EML4: variants seen among roughly 807,000 people sequenced by gnomAD.
The protein encoded by EML4 is echinoderm microtubule-associated protein-like 4.
EML4 carries 72 observed loss-of-function variants against 129.0 expected under a neutral mutation model. The observed-to-expected ratio is 0.56, with a 90% confidence interval of 0.46 to 0.68. EML4 has a LOEUF of 0.68. Ranked by LOEUF, EML4 falls within the 30% of genes least tolerant of loss-of-function variation. EML4 has a pLI of 0.00. For synonymous variants in EML4, 532 were observed against 405.0 expected, an observed-to-expected ratio of 1.31 and a Z score of -3.77; for missense variants, 1,363 against 1,190.6, an observed-to-expected ratio of 1.14 and a Z score of -2.13.
intron 17 of EML4, among the ~76,000 whole-genome samples, chr2:42,309,341 C>G (rs1333351574): frequency 6.7e-6 from 1 of 148,670 alleles, no homozygotes; most frequent in Non-Finnish European, 1.5e-5. Context: ...TCTGGGATGT[C>G]AAGGCTATCA....
chr2:42,308,926 G>A (rs1039219797), intron 17 of EML4, among the ~76,000 whole-genome samples: 2 of 152,214 alleles, frequency 1.3e-5, no homozygotes, highest in Middle Eastern at 3.4e-3. Flanking sequence ...ATGTATTATG[G>A]CCAAATAACA....
rs375157829 is a variant in EML4, at chr2:42,280,984, C to G, written c.791+11C>G. On this transcript the variant is annotated intron_variant, in intron 7 of 22. Coordinates refer to ENST00000318522, the MANE Select transcript of EML4 (RefSeq NM_019063.5). ...CAAACTGGAGTGGGCGTATCCTTCTCTACCATGACAGCAAATTCATTTGCT... is the reference window on the plus strand; with the variant it reads ...CAAACTGGAGTGGGCGTATCCTTCTGTACCATGACAGCAAATTCATTTGCT... 3.2e-6 allele frequency: 5 copies of G among 1,560,424 alleles called. No individual in the cohort carries two copies. Among genetic ancestry groups the G allele is most frequent in the African/African-American group, 1.4e-5 (1 of 72,154 alleles).
chr2:42,323,926 C>G (rs577660992), intron 19 of EML4, among the ~76,000 whole-genome samples: 1,858 of 143,618 alleles, frequency 0.013, 31 homozygotes, highest in African/African-American at 0.045. Context: ...CCTGGGTGAA[C>G]GAGTGAGACT....
chr2:42,183,978 T>C (rs1434912518), intron 1 of EML4, among the ~76,000 whole-genome samples: 1 of 152,154 alleles, frequency 6.6e-6, no homozygotes, highest in Non-Finnish European at 1.5e-5. Context: ...CTTCTGGCCC[T>C]CTTTCTTTCC....
In EML4 at chr2:42,281,874, C is replaced by T. The variant is rs114083296; in HGVS notation, c.791+901C>T. 6.7e-3 allele frequency among the ~76,000 whole-genome samples: 1,015 copies of T among 152,302 alleles called. 14 individuals are homozygous for T. Among genetic ancestry groups the T allele is most frequent in the African/African-American group, 0.023 (974 of 41,562 alleles). On this transcript the variant is annotated intron_variant, in intron 7 of 22. Coordinates refer to ENST00000318522, the MANE Select transcript of EML4 (RefSeq NM_019063.5). The stretch of plus-strand genomic sequence containing the variant: ...TTGAACTCTGTTGTCTGCCTCCATT[C>T]TCCTGCACTTCCTCCCACGTCCCTT...
chr2:42,252,681 C>T (rs1037728020), intron 2 of EML4, among the ~76,000 whole-genome samples: 45 of 152,176 alleles, frequency 3.0e-4, no homozygotes, highest in African/African-American at 8.4e-4. Context: ...TACATACACT[C>T]TCTTTGCTGT....
chr2:42,219,014 T>C (rs1489268591), intron 1 of EML4, among the ~76,000 whole-genome samples: 3 of 152,342 alleles, frequency 2.0e-5, no homozygotes. Context: ...ATGCTTGTTA[T>C]GCGTTTACTC....
intron 1 of EML4, among the ~76,000 whole-genome samples, chr2:42,200,153 C>CAAAAAAAAA (rs11421705): frequency 3.4e-3 from 274 of 81,484 alleles, no homozygotes; most frequent in African/African-American, 4.1e-3. Context: ...ACTAAAAATA[C>CAAAAAAAAA]AAAAAAAAAA....
intron 1 of EML4, among the ~76,000 whole-genome samples, chr2:42,174,154 CTTCAATA>C (rs571310294): frequency 2.0e-5 from 3 of 152,074 alleles, no homozygotes; most frequent in South Asian, 4.1e-4. Flanking sequence ...ACATGTAAAA[CTTCAATA>C]TTCATAAGAA....
rs567165605 is a variant in EML4, at chr2:42,188,502, C to T, written c.25+18866C>T. Among the ~76,000 whole-genome samples, 12 of 151,468 alleles carry T rather than the reference C, an allele frequency of 7.9e-5. No individual in the cohort carries two copies. In the South Asian group the frequency reaches 1.3e-3, roughly 16 times the overall value. Reference sequence around the variant, plus strand: ...CTCTCAAAGTGCTGGGATTACAGGCCGTGAACCACTGCTCCTGGGTACTTA... The same window carrying T: ...CTCTCAAAGTGCTGGGATTACAGGCTGTGAACCACTGCTCCTGGGTACTTA... On this transcript the variant is annotated intron_variant, in intron 1 of 22. Transcript: ENST00000318522.
At chr2:42,185,321 T>C (rs368190822) in intron 1 of EML4, among the ~76,000 whole-genome samples, 23 of 152,156 alleles carry the variant, frequency 1.5e-4, no homozygotes, top group African/African-American at 5.6e-4. Flanking sequence ...ATAAATAAAA[T>C]TGTATTGGAA....
chr2:42,258,562 A>C (rs1665506488), intron 3 of EML4, among the ~76,000 whole-genome samples: 1 of 151,924 alleles, frequency 6.6e-6, no homozygotes. Flanking sequence ...CACCACACCC[A>C]GCTAATTTTG....
intron 1 of EML4, among the ~76,000 whole-genome samples, chr2:42,192,201 T>C (rs1464475239): frequency 1.3e-5 from 2 of 149,096 alleles, no homozygotes; most frequent in African/African-American, 5.0e-5. Context: ...AGTTACTCTT[T>C]TCTTTGCTGG....
intron 1 of EML4, among the ~76,000 whole-genome samples, chr2:42,210,498 C>G (rs1300105942): frequency 6.6e-6 from 1 of 152,104 alleles, no homozygotes; most frequent in East Asian, 1.9e-4. Context: ...ATTACTTTTC[C>G]CAACCCCTTT....
At chr2:42,317,060 C>A (rs1669282889) in intron 18 of EML4, among the ~76,000 whole-genome samples, 1 of 152,092 alleles carries the variant, frequency 6.6e-6, no homozygotes, top group African/African-American at 2.4e-5. Flanking sequence ...GGTGTCTTCC[C>A]AAGAGCACCT....
chr2:42,218,034 T>C (rs1673310762), intron 1 of EML4, among the ~76,000 whole-genome samples: 1 of 152,088 alleles, frequency 6.6e-6, no homozygotes, highest in South Asian at 2.1e-4. Context: ...TCCCCAACCC[T>C]CCGGGCCACA....
intron 1 of EML4, among the ~76,000 whole-genome samples, chr2:42,245,234 A>G (rs965231845): frequency 6.6e-6 from 1 of 151,026 alleles, no homozygotes; most frequent in African/African-American, 2.4e-5. Flanking sequence ...AGCTGGGATT[A>G]CAGGAGCGCA....
At chr2:42,258,105 T>G (rs193149750) in intron 3 of EML4, among the ~76,000 whole-genome samples, 3 of 152,304 alleles carry the variant, frequency 2.0e-5, no homozygotes, top group African/African-American at 7.2e-5. Flanking sequence ...ATTATGCACA[T>G]TAGTGATTCA....
chr2:42,196,027 A>G (rs375151683), intron 1 of EML4, among the ~76,000 whole-genome samples: 1 of 152,094 alleles, frequency 6.6e-6, no homozygotes, highest in African/African-American at 2.4e-5. Context: ...CCAGACTTAG[A>G]TATAGTATTT....
Sources: allele counts gnomAD v4.1 joint callset (sites outside exome capture counted in the v4.1 genomes callset), GRCh38; gene constraint gnomAD v4.1.1; transcripts MANE v1.5; gene names NCBI Gene and HGNC (gene_info 2026-07-23, HGNC 2026-07-21).